Variants in SV2B observed in about 807,000 individuals in gnomAD.
SV2B encodes the protein solute carrier family 22 member B2.
SV2B carries 41 observed loss-of-function variants against 73.9 expected under a neutral mutation model. The ratio of observed to expected loss-of-function variants is 0.56; its 90% CI spans 0.43 to 0.72. SV2B has a LOEUF of 0.72. SV2B is among the 30% of genes least tolerant of loss of function. The pLI is 0.00. For synonymous variants in SV2B, 314 were observed against 314.2 expected (o/e 1.00, Z 0.01); for missense variants, 764 against 857.8 (o/e 0.89, Z 1.37).
chr15:91,185,139 A>G (rs899176683), intron 1 of SV2B, among the ~76,000 whole-genome samples: 29 of 152,192 alleles, frequency 1.9e-4, no homozygotes, highest in African/African-American at 6.3e-4. Context: ...TGGTGCAATC[A>G]TGGCTCACTG....
rs34715451 is a variant in SV2B at position 91,284,208 on chromosome 15, G to A, written c.1695G>A (p.Arg565=). Residue 565 remains arginine, a synonymous_variant, in exon 11 of 13, where the codon AGG becomes AGA. Transcript: ENST00000394232. This position sits in a 1 kb window ranked among gnomAD's most constrained non-coding sequence, Gnocchi z 4.5. The part of the protein sequence containing the change: ...ISALLMDRIG[R]LKMIGGSMLI... Reference sequence around the variant, plus strand: ...CCCTGCTCATGGATAGAATTGGAAGGCTCAAGATGATTGGTGAGTTGCCAG... The same window carrying A: ...CCCTGCTCATGGATAGAATTGGAAGACTCAAGATGATTGGTGAGTTGCCAG... 0.067 allele frequency: 108,140 copies of A among 1,614,070 alleles called. 4,159 individuals carry two copies. The highest frequency in any genetic ancestry group is 0.078 in the Non-Finnish European group (92,390 of 1,179,952).
At chr15:91,190,104 GAA>G (rs951180749) in intron 1 of SV2B, among the ~76,000 whole-genome samples, 5 of 152,112 alleles carry the variant, frequency 3.3e-5, no homozygotes, top group African/African-American at 9.7e-5. Context: ...CTGATAAAGA[GAA>G]ATGCTATTTT....
Position 91,258,062 on chromosome 15 carries a change from T to C in SV2B, c.785-359T>C, listed in dbSNP as rs1024056510. 5.3e-5 allele frequency among the ~76,000 whole-genome samples: 8 copies of C among 152,208 alleles called. No homozygotes were observed. Among genetic ancestry groups the C allele is most frequent in the Admixed American group, 5.2e-4 (8 of 15,292 alleles). On this transcript the variant is annotated intron_variant, in intron 4 of 12. Transcript: ENST00000394232. The surrounding 1 kb of genome is among the most constrained non-coding windows in gnomAD (Gnocchi z 4.7). ...TTTAACAATCTGCCATCTTAAAATA[T>C]AATGATTCTGTAGAGATACGGGCTA...
intron 1 of SV2B, among the ~76,000 whole-genome samples, chr15:91,143,741 G>A (rs367849869): frequency 2.0e-5 from 3 of 149,914 alleles, no homozygotes; most frequent in African/African-American, 7.6e-5. Context: ...CGATTCTGAT[G>A]TTTGTTCTGT....
intron 2 of SV2B, among the ~76,000 whole-genome samples, chr15:91,251,077 A>G (rs1596692285): frequency 6.6e-6 from 1 of 152,372 alleles, no homozygotes; most frequent in South Asian, 2.1e-4. Flanking sequence ...GTAATTTAAA[A>G]CAATGGTAGT....
chr15:91,276,250 AT>A (rs1313977106), intron 9 of SV2B, among the ~76,000 whole-genome samples: 2 of 151,836 alleles, frequency 1.3e-5, no homozygotes, highest in African/African-American at 4.8e-5. Flanking sequence ...AGCTATTTGA[AT>A]ATCATGTGCT....
chr15:91,247,509 G>A (rs1232727707), intron 2 of SV2B, among the ~76,000 whole-genome samples: 1 of 152,158 alleles, frequency 6.6e-6, no homozygotes, highest in Non-Finnish European at 1.5e-5. Flanking sequence ...CCTAGGGCTT[G>A]GAGAATAAAG....
At chr15:91,257,723 C>G (rs924448248) in intron 4 of SV2B, among the ~76,000 whole-genome samples, 1 of 152,156 alleles carries the variant, frequency 6.6e-6, no homozygotes, top group African/African-American at 2.4e-5. Flanking sequence ...CGTATGAGGC[C>G]CTGCTCTGGC....
In SV2B at chr15:91,234,913, G is replaced by A. The variant is rs779374923; in HGVS notation, c.451+8199G>A. On this transcript the variant is annotated intron_variant, in intron 2 of 12. Transcript: ENST00000394232. This position sits in a 1 kb window ranked among gnomAD's most constrained non-coding sequence, Gnocchi z 5.6. ...ACACTAATTCCAAGAGACTGAAAAC[G>A]TCACTGTGGCCCATCAGTCAGAGTA... 3.3e-5 allele frequency among the ~76,000 whole-genome samples: 5 copies of A among 152,186 alleles called. No individual in the cohort carries two copies. The highest frequency in any genetic ancestry group is 7.2e-5 in the African/African-American group (3 of 41,438).
At chr15:91,144,204 C>T (rs1236850812) in intron 1 of SV2B, among the ~76,000 whole-genome samples, 1 of 152,200 alleles carries the variant, frequency 6.6e-6, no homozygotes, top group Non-Finnish European at 1.5e-5. Flanking sequence ...AGATGAGACT[C>T]CTGGCTGATA....
At chr15:91,206,892 A>T (rs1275465339) in intron 1 of SV2B, among the ~76,000 whole-genome samples, 2 of 152,170 alleles carry the variant, frequency 1.3e-5, no homozygotes, top group Non-Finnish European at 2.9e-5. Context: ...TTTTATTTGG[A>T]CACATCATCC....
At chr15:91,158,702 TCCTC>T (rs2043593016) in intron 1 of SV2B, among the ~76,000 whole-genome samples, 3 of 59,626 alleles carry the variant, frequency 5.0e-5, no homozygotes, top group Admixed American at 1.6e-4. Context: ...TTCTCTTCTC[TCCTC>T]TCCTCTCCTC....
Position 91,301,329 on chromosome 15 carries a change from T to C in SV2B, c.*8777T>C, listed in dbSNP as rs536401022. 6.6e-6 allele frequency: 1 copy of C among 152,342 alleles called. No homozygotes were observed. The highest frequency in any genetic ancestry group is 2.4e-5 in the African/African-American group (1 of 41,592). 9.4% of individuals were successfully genotyped at this position (152,342 alleles called of 1,614,324 possible). Reference sequence around the variant, plus strand: ...AACCCACTTTTGGTCTCTCTTCATATTTTTCGTGGTTTCATTTATCTCTCC... The same window carrying C: ...AACCCACTTTTGGTCTCTCTTCATACTTTTCGTGGTTTCATTTATCTCTCC... On this transcript the variant is annotated 3_prime_UTR_variant, in exon 13 of 13. Coordinates refer to ENST00000394232, the MANE Select transcript of SV2B (RefSeq NM_001323032.3). This position sits in a 1 kb window ranked among gnomAD's most constrained non-coding sequence, Gnocchi z 4.3.
At chr15:91,125,889 T>G (rs568752014) in intron 1 of SV2B, among the ~76,000 whole-genome samples, 2 of 151,768 alleles carry the variant, frequency 1.3e-5, no homozygotes, top group East Asian at 3.8e-4. Flanking sequence ...CCTACTGTAC[T>G]TGAACCTAAC....
rs1567037521 is a variant in SV2B, at chr15:91,297,865, G to A, written c.*5313G>A. ...CCTTATGGGCCTGTGTCTGGTTGCA[G>A]GGCTTGAAGTATTTCGGAAGCTCAG... is the stretch of plus-strand genomic sequence containing the variant. On this transcript the variant is annotated 3_prime_UTR_variant, in exon 13 of 13. Transcript: ENST00000394232. The surrounding 1 kb of genome is among the most constrained non-coding windows in gnomAD (Gnocchi z 5.1). 1 of 152,216 alleles carries A rather than the reference G, an allele frequency of 6.6e-6. No individual in the cohort carries two copies. The highest frequency in any genetic ancestry group is 2.4e-5 in the African/African-American group (1 of 41,448). 9.4% of individuals were successfully genotyped at this position (152,216 alleles called of 1,614,324 possible).
rs1413134903 is a variant in SV2B, at chr15:91,180,363, T to G, written c.-391-45510T>G. 3.3e-5 allele frequency among the ~76,000 whole-genome samples: 5 copies of G among 151,994 alleles called. No individual in the cohort carries two copies. The South Asian group carries it at 1.0e-3, about 32-fold the overall frequency. Reference sequence around the variant, plus strand: ...ATTTCAACTTTGGTGAATCTGACAATTATGTGTCTTGGAGTTGCTCTTCTC... The same window carrying G: ...ATTTCAACTTTGGTGAATCTGACAAGTATGTGTCTTGGAGTTGCTCTTCTC... On this transcript the variant is annotated intron_variant, in intron 1 of 12. Transcript: ENST00000394232.
chr15:91,177,882 AT>A (rs1243488376), intron 1 of SV2B, among the ~76,000 whole-genome samples: 224 of 130,896 alleles, frequency 1.7e-3, no homozygotes, highest in South Asian at 2.5e-3. Context: ...AATACCCTTT[AT>A]TTCCTTCTCC....
At chr15:91,155,829 G>C (rs1040410526) in intron 1 of SV2B, among the ~76,000 whole-genome samples, 3 of 152,070 alleles carry the variant, frequency 2.0e-5, no homozygotes, top group African/African-American at 7.2e-5. Flanking sequence ...GGTGGTCATT[G>C]TTCCAGACCG....
Position 91,130,137 on chromosome 15 carries a change from G to A in SV2B, c.-392+29774G>A, listed in dbSNP as rs1015432087. ...AGGAGAAAGGAAAGGAGAGATGGATGAGATGATTCTTAATGCTGAGATGAA... is the reference window on the plus strand; with the variant it reads ...AGGAGAAAGGAAAGGAGAGATGGATAAGATGATTCTTAATGCTGAGATGAA... On this transcript the variant is annotated intron_variant, in intron 1 of 12. Coordinates refer to ENST00000394232, the MANE Select transcript of SV2B (RefSeq NM_001323032.3). The surrounding 1 kb of genome is among the most constrained non-coding windows in gnomAD (Gnocchi z 5.6). Among the ~76,000 whole-genome samples, 3 of 152,216 alleles carry A rather than the reference G, an allele frequency of 2.0e-5. No homozygotes were observed. The highest frequency in any genetic ancestry group is 7.2e-5 in the African/African-American group (3 of 41,456).
Sources: gnomAD v4.1 joint callset for allele counts (sites outside exome capture counted in the v4.1 genomes callset) on GRCh38, gnomAD v4.1.1 for gene constraint, Gnocchi (gnomAD v3.1) non-coding constraint, MANE v1.5 for transcripts, NCBI Gene and HGNC (gene_info 2026-07-23, HGNC 2026-07-21) for gene names.